Variants in PTPRT observed in about 807,000 individuals in gnomAD.
PTPRT encodes protein tyrosine phosphatase receptor type T.
PTPRT carries 56 observed loss-of-function variants against 176.8 expected under a neutral mutation model. That is an observed-to-expected ratio of 0.32 (90% CI 0.26 to 0.40). The LOEUF (loss-of-function observed/expected upper bound fraction) is 0.40. Ranked by LOEUF, PTPRT falls within the 10% of genes least tolerant of loss-of-function variation. The pLI is 1.00. For synonymous variants in PTPRT, 783 were observed against 739.0 expected (o/e 1.06, Z -0.96); for missense variants, 1,540 against 1,908.2 (o/e 0.81, Z 3.60).
intron 9 of PTPRT, among the ~76,000 whole-genome samples, chr20:42,422,337 G>T (rs535748888): frequency 1.3e-5 from 2 of 152,150 alleles, no homozygotes; most frequent in East Asian, 3.9e-4. Flanking sequence ...GCATCTATAA[G>T]AAACTGAAGC....
rs6016823 is a variant in PTPRT at position 42,549,684 on chromosome 20, A to C, written c.1154-77122T>G. ...CATCTGCTTAGAGCCATGTGTAAAC[A>C]CATGCCCCTCAGTGGCAAACCCTCG... On this transcript the variant is annotated intron_variant, in intron 7 of 30. Transcript: ENST00000373187. Among the ~76,000 whole-genome samples, 516 of 152,300 alleles carry C rather than the reference A, an allele frequency of 3.4e-3. 6 individuals are homozygous for C. Among genetic ancestry groups the C allele is most frequent in the African/African-American group, 0.012 (497 of 41,570 alleles).
the PTPRT span, among the ~76,000 whole-genome samples, chr20:42,065,879 T>C: frequency 6.6e-6 from 1 of 152,046 alleles, no homozygotes; most frequent in Non-Finnish European, 1.5e-5. Context: ...TAATAGCTTA[T>C]TGAGGCCATC....
At chr20:42,242,770 C>T (rs1348972274) in intron 14 of PTPRT, among the ~76,000 whole-genome samples, 1 of 152,200 alleles carries the variant, frequency 6.6e-6, no homozygotes, top group African/African-American at 2.4e-5. Flanking sequence ...TATCACTTGA[C>T]AAAGTTCCCC....
downstream of PTPRT, among the ~76,000 whole-genome samples, chr20:42,068,219 C>T (rs568636231): frequency 6.6e-6 from 1 of 152,248 alleles, no homozygotes; most frequent in South Asian, 2.1e-4. Context: ...GAAATTGTGG[C>T]ACAGGAAACA....
intron 1 of PTPRT, among the ~76,000 whole-genome samples, chr20:43,165,668 G>A (rs540617480): frequency 2.3e-4 from 35 of 152,348 alleles, no homozygotes; most frequent in African/African-American, 7.9e-4. Context: ...ATAAAAGACA[G>A]TATCAGGAGC....
chr20:42,904,824 C>T (rs1353131193), intron 1 of PTPRT, among the ~76,000 whole-genome samples: 1 of 152,002 alleles, frequency 6.6e-6, no homozygotes, highest in Non-Finnish European at 1.5e-5. Context: ...GGAAAGGATC[C>T]CCTATTTAAT....
intron 13 of PTPRT, among the ~76,000 whole-genome samples, chr20:42,276,026 TAG>T (rs2057023097): frequency 6.6e-6 from 1 of 152,156 alleles, no homozygotes; most frequent in African/African-American, 2.4e-5. Flanking sequence ...ACTATCTCAC[TAG>T]AGTCTTTCCT....
chr20:42,787,447 T>C (rs2077307924), intron 3 of PTPRT, among the ~76,000 whole-genome samples: 1 of 152,202 alleles, frequency 6.6e-6, no homozygotes, highest in Admixed American at 6.5e-5. Context: ...TGGATTTCTT[T>C]CTGACTCCTC....
intron 6 of PTPRT, among the ~76,000 whole-genome samples, chr20:42,713,828 C>T (rs559278421): frequency 2.0e-5 from 3 of 152,254 alleles, no homozygotes; most frequent in African/African-American, 7.2e-5. Flanking sequence ...GCACCTCCCC[C>T]TCTCTCTTCC....
At chr20:42,183,296 G>A (rs775956180) in intron 16 of PTPRT, among the ~76,000 whole-genome samples, 2 of 152,122 alleles carry the variant, frequency 1.3e-5, no homozygotes, top group African/African-American at 2.4e-5. Flanking sequence ...ACATAAGGAA[G>A]GGTCTTCCTG....
chr20:42,393,969 A>C (rs899048544), intron 9 of PTPRT, among the ~76,000 whole-genome samples: 1 of 152,146 alleles, frequency 6.6e-6, no homozygotes, highest in South Asian at 2.1e-4. Context: ...CAAGATGCCC[A>C]GTAAGGCAGG....
intron 22 of PTPRT, among the ~76,000 whole-genome samples, chr20:42,112,883 G>A (rs567407244): frequency 6.6e-6 from 1 of 152,226 alleles, no homozygotes; most frequent in African/African-American, 2.4e-5. Flanking sequence ...TGAGAGAGGA[G>A]AAAGCTTCAA....
intron 23 of PTPRT, among the ~76,000 whole-genome samples, chr20:42,107,645 G>C (rs1600525079): frequency 6.6e-6 from 1 of 152,332 alleles, no homozygotes; most frequent in South Asian, 2.1e-4. Context: ...CAAGAGGCAC[G>C]TAAGACATGT....
rs540854068 is a variant in PTPRT at position 42,277,399 on chromosome 20, C to T, written c.2176+5090G>A. Among the ~76,000 whole-genome samples the T allele has an allele frequency of 9.8e-5, 15 of 152,320 alleles. No individual in the cohort carries two copies. In the South Asian group the frequency reaches 3.1e-3, roughly 32 times the overall value. ...GGGAGTCTGCAGAGCCAGCTGTGTTCCCTTGACGGCTGGCGCTGGAGACAA... is the reference window on the plus strand; with the variant it reads ...GGGAGTCTGCAGAGCCAGCTGTGTTTCCTTGACGGCTGGCGCTGGAGACAA... On this transcript the variant is annotated intron_variant, in intron 13 of 30. Coordinates refer to ENST00000373187, the MANE Select transcript of PTPRT (RefSeq NM_007050.6).
At chr20:42,371,398 C>T (rs568161521) in intron 9 of PTPRT, among the ~76,000 whole-genome samples, 3 of 152,224 alleles carry the variant, frequency 2.0e-5, no homozygotes, top group African/African-American at 2.4e-5. Flanking sequence ...TTACAGAGAA[C>T]ACACTAAGAA....
Position 42,339,921 on chromosome 20 carries a change from T to A in PTPRT, c.1865+10707A>T, listed in dbSNP as rs532014376. Among the ~76,000 whole-genome samples, 3 of 152,286 alleles carry A rather than the reference T, an allele frequency of 2.0e-5. No homozygotes were observed. The South Asian group carries it at 6.2e-4, about 32-fold the overall frequency. ...ACCTATACCTCTGTCTAAGTCTTCATTACATTGCTCATCTCTTATGATAGG... is the reference window on the plus strand; with the variant it reads ...ACCTATACCTCTGTCTAAGTCTTCAATACATTGCTCATCTCTTATGATAGG... On this transcript the variant is annotated intron_variant, in intron 11 of 30. Coordinates refer to ENST00000373187, the MANE Select transcript of PTPRT (RefSeq NM_007050.6).
intron 12 of PTPRT, among the ~76,000 whole-genome samples, chr20:42,284,792 T>C (rs989318919): frequency 1.3e-5 from 2 of 151,878 alleles, no homozygotes; most frequent in Non-Finnish European, 2.9e-5. Flanking sequence ...AGTGTCTCTC[T>C]TTAAAACAAA....
At chr20:42,681,549 A>G (rs538834098) in intron 6 of PTPRT, among the ~76,000 whole-genome samples, 1 of 152,314 alleles carries the variant, frequency 6.6e-6, no homozygotes, top group African/African-American at 2.4e-5. Flanking sequence ...TGCTTGGGCT[A>G]CACTGGTCAA....
intron 2 of PTPRT, among the ~76,000 whole-genome samples, chr20:42,844,295 T>C (rs2078330587): frequency 6.6e-6 from 1 of 152,164 alleles, no homozygotes; most frequent in African/African-American, 2.4e-5. Flanking sequence ...TACCCCGGGT[T>C]CAGGGAGGCA....
Sources: allele counts gnomAD v4.1 joint callset (sites outside exome capture counted in the v4.1 genomes callset), GRCh38; gene constraint gnomAD v4.1.1; transcripts MANE v1.5; gene names NCBI Gene and HGNC (gene_info 2026-07-23, HGNC 2026-07-21).